TBC1D26: variants seen among roughly 807,000 people sequenced by gnomAD.
The protein encoded by TBC1D26 is TBC1 domain family, member 26.
A neutral mutation model predicts 42.5 loss-of-function variants in TBC1D26; 19 were observed. That is an observed-to-expected ratio of 0.45 (90% CI 0.31 to 0.66). The LOEUF (loss-of-function observed/expected upper bound fraction) is 0.66, where lower values mean the gene tolerates loss of function less well. TBC1D26 is among the 30% of genes least tolerant of loss of function. TBC1D26 has a pLI of 0.06. For synonymous variants in TBC1D26, 97 were observed against 123.5 expected (o/e 0.79, Z 1.42); for missense variants, 228 against 332.6 (o/e 0.69, Z 2.45).
intron 14 of TBC1D26, 72 bp from the exon 15 acceptor site, chr17:15,744,171 T>C (rs947957683): frequency 2.0e-5 from 3 of 152,130 alleles, no homozygotes; most frequent in Non-Finnish European, 4.4e-5. Context: ...ACCATACACT[T>C]GTATAGCTGT....
intron 1 of TBC1D26, chr17:15,734,562 T>G (rs1389409277): frequency 6.6e-6 from 1 of 152,398 alleles, no homozygotes; most frequent in Admixed American, 6.5e-5. Context: ...GGAACCCTCC[T>G]GCAGCGTCCC....
intron 9 of TBC1D26, 188 bp downstream of exon 9, chr17:15,740,336 T>C: frequency 6.5e-7 from 1 of 1,531,014 alleles, no homozygotes; most frequent in Non-Finnish European, 8.8e-7. Flanking sequence ...ATGGACCCAA[T>C]CACCACGTCT....
At chr17:15,742,087 G>A (rs1430120669) in intron 11 of TBC1D26, 51 bp downstream of exon 11, 5 of 1,520,912 alleles carry the variant, frequency 3.3e-6, no homozygotes, top group African/African-American at 1.4e-5. Flanking sequence ...GCCCCCATAG[G>A]CCAGGGGAGG....
intron 11 of TBC1D26, 89 bp downstream of exon 11, chr17:15,742,125 G>C: frequency 3.5e-6 from 4 of 1,128,032 alleles, no homozygotes; most frequent in Non-Finnish European, 5.2e-6. Context: ...GCTGGCAAGA[G>C]GCTGAGTCCC....
At position 15,737,909 on chromosome 17, in the gene TBC1D26, C is replaced by T. The variant is rs575495947; in HGVS notation, c.199-88C>T. On this transcript the variant is annotated intron_variant, in intron 5 of 14. Coordinates refer to ENST00000437605, the MANE Select transcript of TBC1D26 (RefSeq NM_001388465.1). ...CTGGCTTCTTCAAGTTGGGTCCCTT[C>T]AGGGCCCCAAAGCCCTGGACCCAGC... 10 of 1,570,802 alleles carry T rather than the reference C, an allele frequency of 6.4e-6. No homozygotes were observed. In the Admixed American group the frequency reaches 1.3e-4, roughly 21 times the overall value.
At position 15,738,777 on chromosome 17, in the gene TBC1D26, T is replaced by A; in HGVS notation, c.444T>A (p.Asp148Glu). Residue 148 changes from aspartate (D) to glutamate (E), a missense_variant, in exon 8 of 15, where the codon GAT (aspartate) becomes GAA (glutamate). Physicochemically the swap from Asp to Glu is conservative, Grantham distance 45. Coordinates refer to ENST00000437605, the MANE Select transcript of TBC1D26 (RefSeq NM_001388465.1). ...GAATCATCCACTGCATCCAGCTAGATGTCAGCCACACCCTGCAGAAACACA... is the reference window on the plus strand; with the variant it reads ...GAATCATCCACTGCATCCAGCTAGAAGTCAGCCACACCCTGCAGAAACACA... ...SSRIIHCIQL[D>E]VSHTLQKHMM... The A allele has an allele frequency of 6.2e-7, 1 of 1,613,838 alleles. No homozygotes were observed. Among genetic ancestry groups the A allele is most frequent in the Non-Finnish European group, 8.5e-7 (1 of 1,179,868 alleles).
At chr17:15,734,104 T>A (rs1967547940) in intron 1 of TBC1D26, 1 of 152,034 alleles carries the variant, frequency 6.6e-6, no homozygotes, top group South Asian at 2.1e-4. Flanking sequence ...ATGTGTAGAG[T>A]CAGAGAGGCG....
rs368627839 is a variant in TBC1D26, at chr17:15,734,337, C to T, written c.-142-593C>T. On this transcript the variant is annotated intron_variant, in intron 1 of 14. Coordinates refer to ENST00000437605, the MANE Select transcript of TBC1D26 (RefSeq NM_001388465.1). ...GAAATTCTTGGTCCAAGTCTGTGCCCTAAGCTTGGTCCCCACAGGAGGAGG... is the reference window on the plus strand; with the variant it reads ...GAAATTCTTGGTCCAAGTCTGTGCCTTAAGCTTGGTCCCCACAGGAGGAGG... 1.1e-4 allele frequency among the ~76,000 whole-genome samples: 17 copies of T among 152,216 alleles called. 1 individual carries two copies. In the South Asian group the frequency reaches 3.5e-3, roughly 32 times the overall value.
chr17:15,734,396 A>G (rs1967555811), intron 1 of TBC1D26, among the ~76,000 whole-genome samples: 5 of 152,098 alleles, frequency 3.3e-5, no homozygotes, highest in Admixed American at 3.3e-4. Context: ...GCGATCACTG[A>G]TGGTTGCTGT....
intron 3 of TBC1D26, 56 bp from the exon 4 acceptor site, chr17:15,735,541 G>A (rs1186788865): frequency 5.8e-6 from 6 of 1,038,176 alleles, no homozygotes; most frequent in South Asian, 1.6e-5. Context: ...CCACCTCCCT[G>A]GGCCTCCCAC....
rs1967767418 is a variant in TBC1D26, at chr17:15,741,200, G to GC, written c.626dup (p.Leu210AlafsTer46). ...TCTGCCAGAGGAAGATGCTTTCTGG[G>GC]CGCTTACCCAGTTGCTCGCTGGTGA... is the stretch of plus-strand genomic sequence containing the variant. On this transcript the variant is annotated frameshift_variant, in exon 10 of 15. Transcript: ENST00000437605. LOFTEE classifies it high-confidence loss of function. 1 of 1,613,718 alleles carries GC rather than the reference G, an allele frequency of 6.2e-7. No individual in the cohort carries two copies. Among genetic ancestry groups the GC allele is most frequent in the African/African-American group, 1.3e-5 (1 of 75,052 alleles).
intron 11 of TBC1D26, 76 bp from the exon 12 acceptor site, chr17:15,742,338 T>C (rs184311625): frequency 3.9e-5 from 17 of 436,572 alleles, no homozygotes; most frequent in African/African-American, 2.6e-4. Context: ...TTAAGGAAGG[T>C]CTGCAGAGGG....
At chr17:15,740,971 AG>A in intron 9 of TBC1D26, 150 bp from the exon 10 acceptor site, 1 of 1,003,586 alleles carries the variant, frequency 1.0e-6, no homozygotes, top group Non-Finnish European at 1.5e-6. Flanking sequence ...GTCCAGTGCC[AG>A]GGGAGGGGTG....
At chr17:15,740,934 G>A in intron 9 of TBC1D26, 188 bp from the exon 10 acceptor site, 2 of 746,888 alleles carry the variant, frequency 2.7e-6, no homozygotes, top group Admixed American at 2.9e-5. Context: ...TGTCAACTGA[G>A]TTGTGCGTGA....
At chr17:15,737,941 G>T in intron 5 of TBC1D26, 56 bp from the exon 6 acceptor site, 13 of 1,612,496 alleles carry the variant, frequency 8.1e-6, no homozygotes, top group Non-Finnish European at 1.1e-5. Context: ...CAGCATCCAC[G>T]GGCCACTGTC....
chr17:15,740,931 T>G, intron 9 of TBC1D26, 191 bp from the exon 10 acceptor site: 1 of 733,094 alleles, frequency 1.4e-6, no homozygotes, highest in Non-Finnish European at 2.2e-6. Context: ...CCTTGTCAAC[T>G]GAGTTGTGCG....
At chr17:15,741,793 C>T (rs1967789864) in intron 10 of TBC1D26, 149 bp from the exon 11 acceptor site, 3 of 710,466 alleles carry the variant, frequency 4.2e-6, no homozygotes, top group Non-Finnish European at 7.0e-6. Flanking sequence ...GACCTCCTCC[C>T]CAGGGCTGAG....
At chr17:15,739,504 GA>G (rs1967713762) in intron 8 of TBC1D26, among the ~76,000 whole-genome samples, 2 of 152,294 alleles carry the variant, frequency 1.3e-5, no homozygotes, top group African/African-American at 2.4e-5. Context: ...ACTCAGTGAG[GA>G]AAAGGAACGA....
At chr17:15,740,401 G>A in intron 9 of TBC1D26, 2 of 1,431,000 alleles carry the variant, frequency 1.4e-6, no homozygotes, top group Non-Finnish European at 1.8e-6. Flanking sequence ...TAGGAGCTTG[G>A]CAGGGTCCCA....
Sources: allele counts gnomAD v4.1 joint callset (sites outside exome capture counted in the v4.1 genomes callset), GRCh38; gene constraint gnomAD v4.1.1; transcripts MANE v1.5; gene names NCBI Gene and HGNC (gene_info 2026-07-23, HGNC 2026-07-21).